The following NEDD4L variants were observed in gnomAD, a reference collection of about 807,000 sequenced individuals.
NEDD4L encodes the protein E3 ubiquitin-protein ligase NEDD4-like.
A neutral mutation model predicts 148.9 loss-of-function variants in NEDD4L; 54 were observed. That is an observed-to-expected ratio of 0.36 (90% CI 0.29 to 0.45). The LOEUF (loss-of-function observed/expected upper bound fraction) is 0.45, where lower values mean the gene tolerates loss of function less well. NEDD4L is among the 20% of genes least tolerant of loss of function. NEDD4L has a pLI of 1.00. For synonymous variants in NEDD4L, 433 were observed against 440.7 expected, an observed-to-expected ratio of 0.98 and a Z score of 0.22; for missense variants, 856 against 1,233.8, an observed-to-expected ratio of 0.69 and a Z score of 4.59.
intron 5 of NEDD4L, among the ~76,000 whole-genome samples, chr18:58,281,950 G>C (rs1041439243): frequency 6.6e-6 from 1 of 151,608 alleles, no homozygotes; most frequent in Admixed American, 6.6e-5. Flanking sequence ...GCATGAACCC[G>C]GGAGGCGGAG....
Position 58,256,460 on chromosome 18 carries a change from A to G in NEDD4L, c.297+4406A>G. 1 of 1,232,242 alleles carries G rather than the reference A, an allele frequency of 8.1e-7. No individual in the cohort carries two copies. The allele number at this position is 1,232,242 out of a possible 1,614,324, so 76.3% of individuals were successfully genotyped here. ...GGGCACAAAGGGGGACAGGTTGGTG[A>G]GGTATCCTCGCATTCGGCTGGAGAG... is the stretch of plus-strand genomic sequence containing the variant. On this transcript the variant is annotated intron_variant, in intron 5 of 30. Coordinates refer to ENST00000400345, the MANE Select transcript of NEDD4L (RefSeq NM_001144967.3). The surrounding 1 kb of genome is among the most constrained non-coding windows in gnomAD (Gnocchi z 5.2).
intron 2 of NEDD4L, among the ~76,000 whole-genome samples, chr18:58,237,486 A>G (rs946744928): frequency 1.3e-5 from 2 of 152,150 alleles, no homozygotes; most frequent in African/African-American, 2.4e-5. Flanking sequence ...CAAGTCACAG[A>G]TTGTCATTTT....
At chr18:58,288,649 G>A (rs1393193564) in intron 5 of NEDD4L, among the ~76,000 whole-genome samples, 1 of 152,210 alleles carries the variant, frequency 6.6e-6, no homozygotes, top group African/African-American at 2.4e-5. Context: ...CCAAAACCAT[G>A]TGATGGATGC....
At chr18:58,153,559 C>T (rs1432446698) in intron 1 of NEDD4L, among the ~76,000 whole-genome samples, 2 of 151,846 alleles carry the variant, frequency 1.3e-5, no homozygotes, top group South Asian at 2.1e-4. Context: ...AGGCTGGTCT[C>T]GCAAACTCCT....
At chr18:58,241,805 C>T (rs77062106) in intron 2 of NEDD4L, among the ~76,000 whole-genome samples, 1 of 151,974 alleles carries the variant, frequency 6.6e-6, no homozygotes, top group Non-Finnish European at 1.5e-5. Context: ...AATCCTAGTA[C>T]CAGTTTACTA....
At chr18:58,302,050 G>A (rs979683797) in intron 5 of NEDD4L, among the ~76,000 whole-genome samples, 1 of 152,198 alleles carries the variant, frequency 6.6e-6, no homozygotes, top group African/African-American at 2.4e-5. Context: ...GGTTAGTGCT[G>A]CTTGGTATCC....
In NEDD4L at chr18:58,396,490, A is replaced by G. The variant is rs2050499030; in HGVS notation, c.*221A>G. 2.2e-6 allele frequency: 1 copy of G among 446,366 alleles called. No individual in the cohort carries two copies. The highest frequency in any genetic ancestry group is 2.0e-5 in the African/African-American group (1 of 50,616). 27.7% of individuals were successfully genotyped at this position (446,366 alleles called of 1,614,324 possible). On this transcript the variant is annotated 3_prime_UTR_variant, in exon 31 of 31. Transcript: ENST00000400345. Reference sequence around the variant, plus strand: ...ACAAATTATCAACTGGTTGATGTGTACACTAATTACATTTCAGGAGGACTT... The same window carrying G: ...ACAAATTATCAACTGGTTGATGTGTGCACTAATTACATTTCAGGAGGACTT...
intron 10 of NEDD4L, among the ~76,000 whole-genome samples, chr18:58,329,426 G>A (rs1346925987): frequency 6.6e-6 from 1 of 151,906 alleles, no homozygotes; most frequent in East Asian, 1.9e-4. Context: ...GTGCAGTCTT[G>A]GCTCACTGCA....
At chr18:58,063,646 ACCT>A (rs1008137418) in intron 1 of NEDD4L, among the ~76,000 whole-genome samples, 46 of 148,446 alleles carry the variant, frequency 3.1e-4, no homozygotes, top group African/African-American at 1.1e-3. Flanking sequence ...GCTCACTGTA[ACCT>A]CCACCTGCCG....
At chr18:58,063,238 G>A (rs1474038511) in intron 1 of NEDD4L, among the ~76,000 whole-genome samples, 2 of 150,774 alleles carry the variant, frequency 1.3e-5, no homozygotes, top group Admixed American at 6.6e-5. Flanking sequence ...TTTATTTTTT[G>A]TAGAGACAAG....
chr18:58,143,262 C>A (rs527740170), intron 1 of NEDD4L, among the ~76,000 whole-genome samples: 1 of 152,318 alleles, frequency 6.6e-6, no homozygotes, highest in South Asian at 2.1e-4. Flanking sequence ...TGCCCAGGTA[C>A]ACACAGCTGA....
chr18:58,045,638 G>C (rs369758002), intron 1 of NEDD4L: 2 of 152,892 alleles, frequency 1.3e-5, no homozygotes, highest in African/African-American at 2.4e-5. Context: ...GCCAAAAAGG[G>C]GGGTGGGACG....
Position 58,260,703 on chromosome 18 carries a change from A to G in NEDD4L, c.297+8649A>G, listed in dbSNP as rs557048817. 7.7e-4 allele frequency among the ~76,000 whole-genome samples: 117 copies of G among 152,380 alleles called. 1 individual carries two copies. Among genetic ancestry groups the G allele is most frequent in the African/African-American group, 2.7e-3 (112 of 41,596 alleles). ...TGTGTGTGTATATTTGCACAATTAA[A>G]AAGTATATGTTAAGCCAAAAAGCAG... is the stretch of plus-strand genomic sequence containing the variant. On this transcript the variant is annotated intron_variant, in intron 5 of 30. Coordinates refer to ENST00000400345, the MANE Select transcript of NEDD4L (RefSeq NM_001144967.3).
At chr18:58,327,964 T>C (rs2059450510) in intron 9 of NEDD4L, among the ~76,000 whole-genome samples, 1 of 151,876 alleles carries the variant, frequency 6.6e-6, no homozygotes, top group Admixed American at 6.5e-5. Context: ...CTTTTTTTTT[T>C]TGTTTTGTTT....
At chr18:58,334,282 A>G (rs2041425899) in intron 12 of NEDD4L, among the ~76,000 whole-genome samples, 1 of 152,214 alleles carries the variant, frequency 6.6e-6, no homozygotes, top group Non-Finnish European at 1.5e-5. Context: ...GCGACCGTCC[A>G]CATGTTCCTT....
At position 58,396,251 on chromosome 18, in the gene NEDD4L, A is replaced by G. The variant is rs749339025; in HGVS notation, c.2910A>G (p.Gly970=). The change falls in exon 31 of 31, where the codon GGA becomes GGG. Residue 970 remains glycine (G), a synonymous_variant. Transcript: ENST00000400345. ...TCATGGCCGTGGAAAATGCTCAAGG[A>G]TTTGAAGGGGTGGATTAAGCACCCT... ...KLLMAVENAQ[G]FEGVD 1.2e-6 allele frequency: 2 copies of G among 1,612,530 alleles called. No homozygotes were observed. Among genetic ancestry groups the G allele is most frequent in the Non-Finnish European group, 1.7e-6 (2 of 1,178,992 alleles).
chr18:58,103,615 A>G (rs1343502681), intron 1 of NEDD4L, among the ~76,000 whole-genome samples: 1 of 152,108 alleles, frequency 6.6e-6, no homozygotes, highest in Non-Finnish European at 1.5e-5. Context: ...CTTCTTGGCT[A>G]TTGGGGATAA....
chr18:58,107,596 G>A (rs1228885898), intron 1 of NEDD4L, among the ~76,000 whole-genome samples: 1 of 152,130 alleles, frequency 6.6e-6, no homozygotes, highest in Admixed American at 6.5e-5. Context: ...GCTTGTGCCT[G>A]TAGGCCCAGC....
chr18:58,291,224 A>T (rs2054706406), intron 5 of NEDD4L, among the ~76,000 whole-genome samples: 2 of 152,202 alleles, frequency 1.3e-5, no homozygotes, highest in Non-Finnish European at 2.9e-5. Context: ...CGACCGACCC[A>T]CATGGTCACA....
Sources: allele counts gnomAD v4.1 joint callset (sites outside exome capture counted in the v4.1 genomes callset), GRCh38; gene constraint gnomAD v4.1.1; non-coding constraint Gnocchi (gnomAD v3.1); transcripts MANE v1.5; gene names NCBI Gene and HGNC (gene_info 2026-07-23, HGNC 2026-07-21).